Variants in HPSE2 observed in about 807,000 individuals in gnomAD.
HPSE2 encodes inactive heparanase-2.
A neutral mutation model predicts 60.5 loss-of-function variants in HPSE2; 38 were observed. The ratio of observed to expected loss-of-function variants is 0.63; its 90% confidence interval spans 0.48 to 0.82. The LOEUF is 0.82. HPSE2 is among the 40% of genes least tolerant of loss of function. The probability of loss-of-function intolerance (pLI) is 0.00; values close to 1 mark genes in which losing one functional copy is unlikely to be tolerated. For synonymous variants in HPSE2, 295 were observed against 293.2 expected, an observed-to-expected ratio of 1.01 and a Z score of -0.06; for missense variants, 713 against 740.4, an observed-to-expected ratio of 0.96 and a Z score of 0.43.
intron 3 of HPSE2, among the ~76,000 whole-genome samples, chr10:98,916,799 T>G (rs1954131148): frequency 6.6e-6 from 1 of 152,236 alleles, no homozygotes; most frequent in South Asian, 2.1e-4. Flanking sequence ...CACATAGGTC[T>G]GGCCCCTGCC....
intron 7 of HPSE2, among the ~76,000 whole-genome samples, chr10:98,633,088 T>C (rs1946408000): frequency 6.6e-6 from 1 of 152,216 alleles, no homozygotes; most frequent in Non-Finnish European, 1.5e-5. Flanking sequence ...CTCCTCATCC[T>C]ACTCAATGTG....
intron 8 of HPSE2, among the ~76,000 whole-genome samples, chr10:98,619,751 A>G (rs1056560676): frequency 2.0e-5 from 3 of 152,168 alleles, no homozygotes; most frequent in Non-Finnish European, 4.4e-5. Context: ...ACCTATAGAA[A>G]TTAGAGTAAT....
intron 3 of HPSE2, among the ~76,000 whole-genome samples, chr10:98,921,739 C>T (rs1954287922): frequency 6.6e-6 from 1 of 152,194 alleles, no homozygotes; most frequent in Non-Finnish European, 1.5e-5. Flanking sequence ...GCCAGTGCTC[C>T]ATGAGGACAT....
chr10:98,758,596 G>T (rs1949935183), intron 3 of HPSE2, among the ~76,000 whole-genome samples: 1 of 152,046 alleles, frequency 6.6e-6, no homozygotes, highest in African/African-American at 2.4e-5. Context: ...TCAACACATT[G>T]CTAATCATTA....
At chr10:99,145,694 C>A (rs1338692233) in intron 2 of HPSE2, among the ~76,000 whole-genome samples, 1 of 151,944 alleles carries the variant, frequency 6.6e-6, no homozygotes, top group Non-Finnish European at 1.5e-5. Context: ...ACTTTTGACA[C>A]CAATGATTTT....
chr10:98,793,797 AATGCT>A lies in HPSE2; in HGVS notation c.611-49746_611-49742del, dbSNP rs545527438. ...CCAGCATGTACAGGTCTGGGAGGAGAATGCTGTAAGCAGAGAAAACAGCAAGTACA... is the reference window on the plus strand; with the variant it reads ...CCAGCATGTACAGGTCTGGGAGGAGAGTAAGCAGAGAAAACAGCAAGTACA... On this transcript the variant is annotated intron_variant, in intron 3 of 11. Coordinates refer to ENST00000370552, the MANE Select transcript of HPSE2 (RefSeq NM_021828.5). Among the ~76,000 whole-genome samples the A allele has an allele frequency of 6.6e-5, 10 of 152,324 alleles. 1 individual carries two copies. The South Asian group carries it at 2.1e-3, about 32-fold the overall frequency.
intron 6 of HPSE2, among the ~76,000 whole-genome samples, chr10:98,674,700 A>T (rs1396088513): frequency 2.0e-5 from 3 of 152,208 alleles, no homozygotes; most frequent in Admixed American, 6.5e-5. Flanking sequence ...AGATCACCTG[A>T]GGTCAGGAGT....
chr10:98,607,140 G>T (rs1945615818), intron 9 of HPSE2, among the ~76,000 whole-genome samples: 1 of 120,678 alleles, frequency 8.3e-6, no homozygotes, highest in South Asian at 2.9e-4. Flanking sequence ...TTAGATAATT[G>T]TTTAGTGTTT....
chr10:99,060,836 A>G (rs1372143134), intron 3 of HPSE2, among the ~76,000 whole-genome samples: 2 of 152,134 alleles, frequency 1.3e-5, no homozygotes, highest in African/African-American at 4.8e-5. Flanking sequence ...GAAATAAACC[A>G]GGAACAGAAA....
At chr10:98,962,181 C>G (rs1228365707) in intron 3 of HPSE2, among the ~76,000 whole-genome samples, 1 of 64,354 alleles carries the variant, frequency 1.6e-5, no homozygotes, top group Admixed American at 1.8e-4. Context: ...TAGTGTGATG[C>G]CTCCAGCTTT....
At chr10:99,003,805 G>A (rs986078630) in intron 3 of HPSE2, among the ~76,000 whole-genome samples, 3 of 151,872 alleles carry the variant, frequency 2.0e-5, no homozygotes, top group Non-Finnish European at 4.4e-5. Context: ...TTTTTTAGCT[G>A]TGCAGAAACT....
chr10:98,500,314 T>C (rs1941988444), intron 9 of HPSE2, among the ~76,000 whole-genome samples: 1 of 152,200 alleles, frequency 6.6e-6, no homozygotes, highest in Non-Finnish European at 1.5e-5. Flanking sequence ...ACTGACATTA[T>C]ATCAAGCACT....
chr10:99,144,158 G>T, intron 3 of HPSE2, 80 bp downstream of exon 3: 1 of 1,269,430 alleles, frequency 7.9e-7, no homozygotes, highest in Non-Finnish European at 1.1e-6. Flanking sequence ...TATAGTGGGT[G>T]TAGACAGACA....
intron 3 of HPSE2, among the ~76,000 whole-genome samples, chr10:99,041,620 C>A (rs1368706981): frequency 1.3e-5 from 2 of 152,162 alleles, no homozygotes; most frequent in East Asian, 3.9e-4. Context: ...ACAACAGAGG[C>A]CAGGCACTCT....
chr10:98,877,377 G>C lies in HPSE2; in HGVS notation c.611-133321C>G, dbSNP rs559080255. ...ACTTGGAAGCAAGAAGTACTAGAAA[G>C]CAGTTTAGGTAGTTTAGAAAAAATG... On this transcript the variant is annotated intron_variant, in intron 3 of 11. Coordinates refer to ENST00000370552, the MANE Select transcript of HPSE2 (RefSeq NM_021828.5). Among the ~76,000 whole-genome samples the C allele has an allele frequency of 2.6e-4, 40 of 151,934 alleles. 1 individual carries two copies. The highest frequency in any genetic ancestry group is 2.4e-3 in the Admixed American group (36 of 15,208).
rs193272837 is a variant in HPSE2 at position 98,949,599 on chromosome 10, T to C, written c.610+194639A>G. ...GATGTCAGTAATTCCTGAGCCTCAA[T>C]TGCACCCCTTTCTGAAGTTACCTGA... is the stretch of plus-strand genomic sequence containing the variant. On this transcript the variant is annotated intron_variant, in intron 3 of 11. Transcript: ENST00000370552. Among the ~76,000 whole-genome samples, 90 of 152,298 alleles carry C rather than the reference T, an allele frequency of 5.9e-4. 1 individual carries two copies. The South Asian group carries it at 6.8e-3, about 12-fold the overall frequency.
intron 3 of HPSE2, among the ~76,000 whole-genome samples, chr10:99,125,810 G>A (rs1435911991): frequency 6.6e-6 from 1 of 152,150 alleles, no homozygotes. Flanking sequence ...AGCCTTGTAG[G>A]CACTCCTAGT....
At chr10:98,944,773 T>G (rs1184218571) in intron 3 of HPSE2, among the ~76,000 whole-genome samples, 1 of 152,090 alleles carries the variant, frequency 6.6e-6, no homozygotes. Context: ...TTCATCCATG[T>G]TTGAAATCCT....
intron 7 of HPSE2, among the ~76,000 whole-genome samples, chr10:98,635,789 A>AG (rs1946482940): frequency 6.6e-6 from 1 of 151,680 alleles, no homozygotes; most frequent in Non-Finnish European, 1.5e-5. Context: ...CTCATGAAAA[A>AG]AAAAAAAAAA....
Sources: gnomAD v4.1 joint callset for allele counts (sites outside exome capture counted in the v4.1 genomes callset) on GRCh38, gnomAD v4.1.1 for gene constraint, MANE v1.5 for transcripts, NCBI Gene and HGNC (gene_info 2026-07-23, HGNC 2026-07-21) for gene names.